Variants in CKAP5 observed in about 807,000 individuals in gnomAD.
The protein encoded by CKAP5 is cytoskeleton-associated protein 5.
CKAP5 carries 27 observed loss-of-function variants against 232.8 expected under a neutral mutation model. The observed-to-expected ratio is 0.12, with a 90% CI of 0.09 to 0.16. The LOEUF (loss-of-function observed/expected upper bound fraction) is 0.16, where lower values mean the gene tolerates loss of function less well. Ranked by LOEUF, CKAP5 falls within the 10% of genes least tolerant of loss-of-function variation. The pLI is 1.00. For missense variants in CKAP5, 1,838 were observed against 2,424.7 expected, an observed-to-expected ratio of 0.76 and a Z score of 5.08; for synonymous variants, 785 against 841.1, an observed-to-expected ratio of 0.93 and a Z score of 1.16.
chr11:46,747,786 G>A (rs771477077), intron 42 of CKAP5, among the ~76,000 whole-genome samples: 1 of 151,692 alleles, frequency 6.6e-6, no homozygotes, highest in African/African-American at 2.4e-5. Flanking sequence ...GAGGCCAGGC[G>A]TGGTGGCTCA....
chr11:46,829,916 T>C (rs1209631960), intron 1 of CKAP5, among the ~76,000 whole-genome samples: 1 of 151,646 alleles, frequency 6.6e-6, no homozygotes, highest in Non-Finnish European at 1.5e-5. Context: ...TGCATTTGTG[T>C]AGGCTGATAA....
intron 1 of CKAP5, among the ~76,000 whole-genome samples, chr11:46,825,767 G>C (rs972646572): frequency 2.0e-5 from 3 of 148,902 alleles, no homozygotes; most frequent in Admixed American, 6.7e-5. Flanking sequence ...AAAAAAAAAA[G>C]AAATTATTTT....
At position 46,818,461 on chromosome 11, in the gene CKAP5, T is replaced by C. The variant is rs760039437; in HGVS notation, c.100A>G (p.Ile34Val). 6.2e-7 allele frequency: 1 copy of C among 1,608,228 alleles called. No individual in the cohort carries two copies. Among genetic ancestry groups the C allele is most frequent in the Non-Finnish European group, 8.5e-7 (1 of 1,178,202 alleles). Residue 34 changes from isoleucine (I) to valine (V), a missense_variant, in exon 3 of 44, where the codon ATC (isoleucine) becomes GTC (valine). By Grantham distance (29) the Ile-to-Val change is conservative. Around this residue, in one of 6 missense-constraint regions of CKAP5, gnomAD observed 285 missense variants for 300.0 expected, o/e 0.95. Transcript: ENST00000529230. ...RLSGYEEALK[I>V]FQKIKDEKSP... is the part of the protein sequence containing the mutation. The stretch of plus-strand genomic sequence containing the variant: ...TTTTCATCCTTTATTTTCTGGAAGA[T>C]CTTCAGGGCCTCTTCATACCCACTT...
intron 35 of CKAP5, among the ~76,000 whole-genome samples, chr11:46,755,916 G>A (rs976594793): frequency 5.3e-5 from 8 of 152,058 alleles, no homozygotes; most frequent in African/African-American, 1.7e-4. Context: ...GTGACAAAGC[G>A]AGACTCCGTC....
chr11:46,752,540 C>T, intron 38 of CKAP5, 95 bp downstream of exon 38: 1 of 868,958 alleles, frequency 1.2e-6, no homozygotes, highest in Non-Finnish European at 1.8e-6. Context: ...TGATTTGAGC[C>T]TATGTCTTTC....
chr11:46,838,507 T>C (rs1939967761), intron 1 of CKAP5, among the ~76,000 whole-genome samples: 1 of 150,456 alleles, frequency 6.6e-6, no homozygotes, highest in African/African-American at 2.5e-5. Flanking sequence ...ACACGGTGGC[T>C]CACGCCTGTA....
intron 15 of CKAP5, 35 bp downstream of exon 15, chr11:46,790,041 T>C: frequency 7.2e-7 from 1 of 1,390,656 alleles, no homozygotes; most frequent in Non-Finnish European, 1.0e-6. Flanking sequence ...TATAATCTAA[T>C]TTTCTTTCAC....
intron 42 of CKAP5, among the ~76,000 whole-genome samples, chr11:46,745,998 G>A (rs986379466): frequency 5.3e-5 from 8 of 152,062 alleles, no homozygotes; most frequent in South Asian, 2.1e-4. Flanking sequence ...TTGGAAAGGC[G>A]TAATTTAAGG....
chr11:46,750,218 TC>T, intron 42 of CKAP5, 55 bp downstream of exon 42: 1 of 1,543,654 alleles, frequency 6.5e-7, no homozygotes, highest in Non-Finnish European at 8.8e-7. Context: ...AACTTCAGGT[TC>T]CTGTGCTAGG....
intron 40 of CKAP5, among the ~76,000 whole-genome samples, chr11:46,750,876 A>C (rs2065059348): frequency 6.6e-6 from 1 of 152,208 alleles, no homozygotes; most frequent in Non-Finnish European, 1.5e-5. Flanking sequence ...CTAGCTATTT[A>C]TCTGGTGACC....
chr11:46,788,931 CTTTA>C (rs1052681077), intron 15 of CKAP5, among the ~76,000 whole-genome samples, 158 bp from the exon 16 acceptor site: 13 of 152,146 alleles, frequency 8.5e-5, no homozygotes, highest in African/African-American at 2.9e-4. Context: ...CGCTGTTATG[CTTTA>C]TTTCTTTGTG....
intron 37 of CKAP5, 132 bp downstream of exon 37, chr11:46,753,178 C>CT: frequency 1.5e-6 from 1 of 660,848 alleles, no homozygotes; most frequent in African/African-American, 1.8e-5. Context: ...GTAGCTATAA[C>CT]TTTAAGTGTG....
Position 46,744,621 on chromosome 11 carries a change from C to G in CKAP5, c.5705-44G>C, listed in dbSNP as rs370033075. ...AAAGAATATTCAGATATCCACATAT[C>G]CCCCTTCTAAAGTGCCTTGGTTAAT... is the stretch of plus-strand genomic sequence containing the variant. On this transcript the variant is annotated intron_variant, in intron 42 of 43. Coordinates refer to ENST00000529230, the MANE Select transcript of CKAP5 (RefSeq NM_001008938.4). The G allele has an allele frequency of 5.7e-6, 9 of 1,573,028 alleles. No individual in the cohort carries two copies. The East Asian group carries it at 1.1e-4, about 20-fold the overall frequency.
In CKAP5 at chr11:46,744,452, G is replaced by T; in HGVS notation, c.5830C>A (p.Gln1944Lys). Reference protein sequence around the residue: ...VYLERLKILRQRCGLDNTKQD... With the variant: ...VYLERLKILRKRCGLDNTKQD... ...TTTGTGTTGTCCAGACCACATCGCT[G>T]TCGGAGGATCTTTAGCCTTTCCAAG... The change falls in exon 43 of 44, where the codon CAG becomes AAG. Residue 1944 changes from glutamine to lysine, a missense_variant. Around this residue, in one of 6 missense-constraint regions of CKAP5, gnomAD observed 579 missense variants for 843.2 expected, o/e 0.69. Coordinates refer to ENST00000529230, the MANE Select transcript of CKAP5 (RefSeq NM_001008938.4). 1 of 1,614,142 alleles carries T rather than the reference G, an allele frequency of 6.2e-7. No homozygotes were observed. The highest frequency in any genetic ancestry group is 8.5e-7 in the Non-Finnish European group (1 of 1,180,030).
In CKAP5 at chr11:46,809,475, T is replaced by A. The variant is rs774558883; in HGVS notation, c.789A>T (p.Pro263=). 2 of 1,613,216 alleles carry A rather than the reference T, an allele frequency of 1.2e-6. No homozygotes were observed. Among genetic ancestry groups the A allele is most frequent in the Non-Finnish European group, 1.7e-6 (2 of 1,179,428 alleles). Residue 263 remains proline (P), a synonymous_variant, in exon 7 of 44, where the codon CCA becomes CCT. Transcript: ENST00000529230. ...EGGGDDGDEV[P]QIDAYELLEA... is the part of the protein sequence containing the mutation. ...CTAAAAGCTCATAAGCATCTATTTG[T>A]GGCACCTCATCACCATCATCACCAC...
intron 8 of CKAP5, among the ~76,000 whole-genome samples, chr11:46,803,975 C>T (rs1241066970): frequency 2.6e-5 from 4 of 152,074 alleles, no homozygotes; most frequent in African/African-American, 9.7e-5. Flanking sequence ...GATCCCATTC[C>T]AACAAATTCT....
chr11:46,787,035 G>C (rs1315651122), intron 16 of CKAP5, among the ~76,000 whole-genome samples: 1 of 152,144 alleles, frequency 6.6e-6, no homozygotes, highest in East Asian at 1.9e-4. Context: ...ATGCACGCCT[G>C]TGGTCCCGAC....
Position 46,752,678 on chromosome 11 carries a change from A to T in CKAP5, c.5090T>A (p.Leu1697Gln), listed in dbSNP as rs769643919. Reference protein sequence around the residue: ...ALLVLLQDSLLATASSPKFSE... With the variant: ...ALLVLLQDSLQATASSPKFSE... ...GAATTTGGGAGAACTGGCTGTTGCT[A>T]GCAGGCTGTCTTGGAGCAAAACAAG... is the stretch of plus-strand genomic sequence containing the variant. The change falls in exon 38 of 44, where the codon CTA becomes CAA. Residue 1697 changes from leucine to glutamine, a missense_variant. By Grantham distance (113) the Leu-to-Gln change is moderately radical. Coordinates refer to ENST00000529230, the MANE Select transcript of CKAP5 (RefSeq NM_001008938.4). 3 of 1,613,212 alleles carry T rather than the reference A, an allele frequency of 1.9e-6. No individual in the cohort carries two copies. The highest frequency in any genetic ancestry group is 4.5e-5 in the East Asian group (2 of 44,828).
rs544253723 is a variant in CKAP5, at chr11:46,838,439, C to G, written c.-38+7781G>C. ...ATTGTTTGAGGCCAGGAGTTCAAGACCAGCTTAGGCAACATACTGAGACTG... is the reference window on the plus strand; with the variant it reads ...ATTGTTTGAGGCCAGGAGTTCAAGAGCAGCTTAGGCAACATACTGAGACTG... On this transcript the variant is annotated intron_variant, in intron 1 of 43. Transcript: ENST00000529230. Among the ~76,000 whole-genome samples the G allele has an allele frequency of 4.7e-4, 72 of 151,596 alleles. 1 individual carries two copies. The South Asian group carries it at 0.015, about 31-fold the overall frequency.
Sources: gnomAD v4.1 joint callset for allele counts (sites outside exome capture counted in the v4.1 genomes callset) on GRCh38, gnomAD v4.1.1 for gene constraint, gnomAD v4.1.1 regional missense constraint, MANE v1.5 for transcripts, NCBI Gene and HGNC (gene_info 2026-07-23, HGNC 2026-07-21) for gene names.